Variants in CACNB4 observed in about 807,000 individuals in gnomAD.
CACNB4 encodes the protein calcium voltage-gated channel auxiliary subunit beta 4.
A neutral mutation model predicts 71.2 loss-of-function variants in CACNB4; 32 were observed. The observed-to-expected ratio is 0.45, with a 90% confidence interval of 0.34 to 0.60. The LOEUF (loss-of-function observed/expected upper bound fraction) is 0.60, where lower values mean the gene tolerates loss of function less well. Among genes scored for constraint, CACNB4 ranks in the 20% least tolerant of loss-of-function variants. The pLI is 0.01. For missense variants in CACNB4, 464 were observed against 647.9 expected (o/e 0.72, Z 3.08); for synonymous variants, 231 against 236.9 (o/e 0.97, Z 0.23).
chr2:151,858,749 A>G (rs2099840900), intron 10 of CACNB4: 2 of 152,236 alleles, frequency 1.3e-5, no homozygotes, highest in Admixed American at 6.5e-5. Flanking sequence ...TGTTCTAAGC[A>G]TGCTATACAC....
At chr2:152,077,895 A>C (rs941396169) in intron 2 of CACNB4, among the ~76,000 whole-genome samples, 2 of 152,214 alleles carry the variant, frequency 1.3e-5, no homozygotes, top group Admixed American at 6.5e-5. Context: ...AATCCATTAG[A>C]GGGTTTTAAA....
intron 2 of CACNB4, among the ~76,000 whole-genome samples, chr2:151,998,751 C>A (rs1440578414): frequency 7.2e-5 from 11 of 152,178 alleles, no homozygotes; most frequent in Non-Finnish European, 1.5e-5. Context: ...ATTCAGCACA[C>A]CCCCCAGAAA....
At chr2:151,975,949 TCC>T (rs1352919843) in intron 2 of CACNB4, among the ~76,000 whole-genome samples, 1 of 152,180 alleles carries the variant, frequency 6.6e-6, no homozygotes, top group Non-Finnish European at 1.5e-5. Context: ...GACAAATTGT[TCC>T]CAACTGGATA....
chr2:152,020,871 A>C (rs1306596334), intron 2 of CACNB4, among the ~76,000 whole-genome samples: 1 of 152,224 alleles, frequency 6.6e-6, no homozygotes, highest in East Asian at 1.9e-4. Flanking sequence ...AAATGTAAAT[A>C]TTTAATATCC....
intron 2 of CACNB4, among the ~76,000 whole-genome samples, chr2:151,994,656 C>T (rs974935203): frequency 3.3e-5 from 5 of 152,190 alleles, no homozygotes; most frequent in African/African-American, 4.8e-5. Context: ...GGATTAGAGG[C>T]GCCTGTCCCT....
intron 2 of CACNB4, among the ~76,000 whole-genome samples, chr2:152,026,119 C>A (rs1305375140): frequency 6.6e-6 from 1 of 152,156 alleles, no homozygotes; most frequent in Non-Finnish European, 1.5e-5. Context: ...AGAAGTGAAC[C>A]ACATCTCCCC....
intron 2 of CACNB4, among the ~76,000 whole-genome samples, chr2:152,046,168 T>A (rs1025409323): frequency 2.6e-5 from 4 of 152,212 alleles, no homozygotes; most frequent in African/African-American, 9.7e-5. Context: ...GAAACTCTGA[T>A]TATATAACAG....
intron 2 of CACNB4, among the ~76,000 whole-genome samples, chr2:152,015,592 T>C (rs550872866): frequency 6.6e-6 from 1 of 152,324 alleles, no homozygotes; most frequent in Admixed American, 6.5e-5. Context: ...GGAAAATGAA[T>C]TGTGAGCAAA....
At chr2:151,995,695 C>T (rs1682004877) in intron 2 of CACNB4, among the ~76,000 whole-genome samples, 1 of 152,182 alleles carries the variant, frequency 6.6e-6, no homozygotes, top group African/African-American at 2.4e-5. Context: ...GGTGACAAAG[C>T]GAGACTCCGT....
intron 2 of CACNB4, among the ~76,000 whole-genome samples, chr2:151,912,230 G>T (rs2099856354): frequency 6.6e-6 from 1 of 152,112 alleles, no homozygotes; most frequent in Non-Finnish European, 1.5e-5. Flanking sequence ...GCTTGCTCTT[G>T]CCTCTCTAGC....
chr2:151,895,335 C>T (rs2099851788), intron 2 of CACNB4, among the ~76,000 whole-genome samples: 1 of 152,060 alleles, frequency 6.6e-6, no homozygotes, highest in Non-Finnish European at 1.5e-5. Context: ...GGCACCATGG[C>T]ACATGCCTAT....
At chr2:151,878,549 C>T (rs577815663) in intron 4 of CACNB4, among the ~76,000 whole-genome samples, 1 of 5,650 alleles carries the variant, frequency 1.8e-4, no homozygotes, top group South Asian at 0.018. Flanking sequence ...AAGACCCTGT[C>T]TACACACACA....
intron 10 of CACNB4, chr2:151,858,234 T>C (rs763704813): frequency 1.3e-5 from 2 of 152,226 alleles, no homozygotes; most frequent in African/African-American, 2.4e-5. Context: ...TGAACACTTC[T>C]ATAAACTGAC....
chr2:152,070,322 C>T (rs549061743), intron 2 of CACNB4, among the ~76,000 whole-genome samples: 6 of 152,212 alleles, frequency 3.9e-5, no homozygotes, highest in South Asian at 2.1e-4. Context: ...CAAATATACC[C>T]GTCTCTTTAA....
chr2:151,938,609 A>G (rs1479288290), intron 2 of CACNB4, among the ~76,000 whole-genome samples: 2 of 152,200 alleles, frequency 1.3e-5, no homozygotes, highest in Non-Finnish European at 2.9e-5. Context: ...TGTCATTTCA[A>G]AGTTTTACCT....
Position 151,864,293 on chromosome 2 carries a change from C to T in CACNB4, c.759-3473G>A, listed in dbSNP as rs557965990. ...GCGAATGTTCCTGAAAACTAGCAAA[C>T]ATCATTCCCTAAATATAGTAAATCT... On this transcript the variant is annotated intron_variant, in intron 9 of 13. Transcript: ENST00000539935. Among the ~76,000 whole-genome samples, 4 of 152,332 alleles carry T rather than the reference C, an allele frequency of 2.6e-5. No homozygotes were observed. The South Asian group carries it at 8.3e-4, about 32-fold the overall frequency.
chr2:151,975,613 T>A (rs1050306907), intron 2 of CACNB4, among the ~76,000 whole-genome samples: 1 of 152,144 alleles, frequency 6.6e-6, no homozygotes, highest in African/African-American at 2.4e-5. Flanking sequence ...CAAGGATGCA[T>A]GTTGGAGAAA....
chr2:152,025,227 C>A (rs1459854977), intron 2 of CACNB4, among the ~76,000 whole-genome samples: 1 of 152,184 alleles, frequency 6.6e-6, no homozygotes, highest in Non-Finnish European at 1.5e-5. Context: ...GAAACCTCTT[C>A]TTTCATATGT....
At chr2:152,010,113 C>G (rs575950853) in intron 2 of CACNB4, among the ~76,000 whole-genome samples, 1 of 152,304 alleles carries the variant, frequency 6.6e-6, no homozygotes, top group Admixed American at 6.5e-5. Flanking sequence ...TTTAACTAAG[C>G]TCATTCTAAC....
Sources: allele counts gnomAD v4.1 joint callset (sites outside exome capture counted in the v4.1 genomes callset), GRCh38; gene constraint gnomAD v4.1.1; transcripts MANE v1.5; gene names NCBI Gene and HGNC (gene_info 2026-07-23, HGNC 2026-07-21).